Variants in RIMS1 observed in about 807,000 individuals in gnomAD.
RIMS1 encodes the protein regulating synaptic membrane exocytosis protein 1.
RIMS1 carries 83 observed loss-of-function variants against 214.1 expected under a neutral mutation model. The ratio of observed to expected loss-of-function variants is 0.39; its 90% confidence interval spans 0.32 to 0.47. The LOEUF (loss-of-function observed/expected upper bound fraction) is 0.47, where lower values mean the gene tolerates loss of function less well. RIMS1 is among the 20% of genes least tolerant of loss of function. The pLI, the probability that RIMS1 is intolerant of heterozygous loss-of-function variation, is 0.99. For synonymous variants in RIMS1, 793 were observed against 786.8 expected (o/e 1.01, Z -0.13); for missense variants, 2,050 against 2,161.8 (o/e 0.95, Z 1.03).
At chr6:72,296,705 T>A (rs2094128557) in intron 26 of RIMS1, among the ~76,000 whole-genome samples, 1 of 151,942 alleles carries the variant, frequency 6.6e-6, no homozygotes, top group Non-Finnish European at 1.5e-5. Context: ...TAATTCTGTA[T>A]AATTTAATAA....
chr6:72,284,008 A>C, intron 23 of RIMS1, 39 bp from the exon 24 acceptor site: 6 of 1,423,826 alleles, frequency 4.2e-6, no homozygotes, highest in Non-Finnish European at 5.9e-6. Context: ...ATGTAGCTTT[A>C]TTCATCATAT....
At chr6:72,267,115 A>T (rs1008116370) in intron 22 of RIMS1, among the ~76,000 whole-genome samples, 1 of 152,108 alleles carries the variant, frequency 6.6e-6, no homozygotes, top group Non-Finnish European at 1.5e-5. Context: ...AATAGAAAAA[A>T]GTGAAATTTA....
intron 28 of RIMS1, among the ~76,000 whole-genome samples, chr6:72,327,013 C>A (rs1163365531): frequency 6.6e-6 from 1 of 151,634 alleles, no homozygotes; most frequent in Non-Finnish European, 1.5e-5. Context: ...CCTACATAAA[C>A]TAGAAAAGGC....
At chr6:72,302,748 C>A (rs2154274611) in intron 26 of RIMS1, among the ~76,000 whole-genome samples, 1 of 151,616 alleles carries the variant, frequency 6.6e-6, no homozygotes, top group East Asian at 1.9e-4. Flanking sequence ...GCTTAAATAT[C>A]CTGTCCAGGT....
chr6:72,122,924 C>T (rs907425559), intron 4 of RIMS1, among the ~76,000 whole-genome samples: 1 of 151,790 alleles, frequency 6.6e-6, no homozygotes, highest in Admixed American at 6.6e-5. Context: ...GAAAAACCAG[C>T]TCCTGGATTC....
intron 2 of RIMS1, among the ~76,000 whole-genome samples, chr6:72,036,559 G>A (rs1469670878): frequency 6.6e-6 from 1 of 152,146 alleles, no homozygotes; most frequent in Non-Finnish European, 1.5e-5. Flanking sequence ...CCTCAGCTCT[G>A]TAAGTCTGAG....
At chr6:72,182,065 ACT>A (rs1053109800) in intron 5 of RIMS1, among the ~76,000 whole-genome samples, 1 of 152,144 alleles carries the variant, frequency 6.6e-6, no homozygotes, top group African/African-American at 2.4e-5. Context: ...CAAGCATGAC[ACT>A]CTTATGAAAA....
At chr6:72,024,334 C>A (rs542570798) in intron 2 of RIMS1, among the ~76,000 whole-genome samples, 1 of 152,262 alleles carries the variant, frequency 6.6e-6, no homozygotes, top group Non-Finnish European at 1.5e-5. Flanking sequence ...ACTCCTACTT[C>A]TGAATCTAAT....
chr6:71,954,189 A>G (rs887767255), intron 1 of RIMS1, among the ~76,000 whole-genome samples: 1 of 152,204 alleles, frequency 6.6e-6, no homozygotes, highest in African/African-American at 2.4e-5. Flanking sequence ...AAGATATATG[A>G]TATAAGACAT....
chr6:72,297,076 A>G (rs780979075), intron 26 of RIMS1, among the ~76,000 whole-genome samples: 29 of 152,016 alleles, frequency 1.9e-4, no homozygotes, highest in Non-Finnish European at 3.8e-4. Flanking sequence ...AAATGTATTT[A>G]ACAATATTTA....
chr6:72,148,470 T>C, intron 4 of RIMS1: 8 of 367,828 alleles, frequency 2.2e-5, no homozygotes, highest in South Asian at 1.0e-4. Context: ...TGGGTGCCAG[T>C]GTGACCTTCA....
intron 28 of RIMS1, among the ~76,000 whole-genome samples, chr6:72,322,918 T>A (rs1299833044): frequency 6.6e-6 from 1 of 152,046 alleles, no homozygotes; most frequent in Non-Finnish European, 1.5e-5. Flanking sequence ...GACCTGTCTA[T>A]GCACAGGGAA....
At chr6:72,103,518 A>G (rs938969058) in intron 4 of RIMS1, among the ~76,000 whole-genome samples, 5 of 152,246 alleles carry the variant, frequency 3.3e-5, no homozygotes, top group African/African-American at 9.6e-5. Context: ...AAGGATTCAT[A>G]GTAGGACTAT....
intron 12 of RIMS1, among the ~76,000 whole-genome samples, chr6:72,249,980 C>G (rs1021354710): frequency 6.6e-6 from 1 of 151,988 alleles, no homozygotes; most frequent in African/African-American, 2.4e-5. Flanking sequence ...CACATATAAT[C>G]TTCAAACTCT....
At chr6:72,388,373 A>G (rs1233549088) in intron 29 of RIMS1, among the ~76,000 whole-genome samples, 4 of 152,148 alleles carry the variant, frequency 2.6e-5, no homozygotes, top group African/African-American at 9.7e-5. Context: ...GATCATATGG[A>G]ATGAGGGGCA....
intron 29 of RIMS1, among the ~76,000 whole-genome samples, chr6:72,371,399 G>A (rs2098215629): frequency 6.6e-6 from 1 of 152,198 alleles, no homozygotes; most frequent in Non-Finnish European, 1.5e-5. Flanking sequence ...GCTAAGATGT[G>A]TAAGCAAACT....
chr6:72,095,116 A>ATTTTTTTTTT (rs71540328), intron 2 of RIMS1, among the ~76,000 whole-genome samples: 746 of 98,408 alleles, frequency 7.6e-3, no homozygotes, highest in Middle Eastern at 0.021. Context: ...ACGCCCGACT[A>ATTTTTTTTTT]TTTTTTTTTT....
chr6:72,200,959 A>C (rs560236540), intron 6 of RIMS1, among the ~76,000 whole-genome samples: 2 of 151,896 alleles, frequency 1.3e-5, no homozygotes, highest in Non-Finnish European at 2.9e-5. Flanking sequence ...AAATTTGGAA[A>C]TCATGGTGAG....
intron 2 of RIMS1, among the ~76,000 whole-genome samples, chr6:72,007,082 G>A (rs757814642): frequency 4.6e-5 from 7 of 152,136 alleles, no homozygotes; most frequent in Non-Finnish European, 7.3e-5. Context: ...CCAAGTAGGG[G>A]CAGACTGACA....
Sources: allele counts gnomAD v4.1 joint callset (sites outside exome capture counted in the v4.1 genomes callset), GRCh38; gene constraint gnomAD v4.1.1; transcripts MANE v1.5; gene names NCBI Gene and HGNC (gene_info 2026-07-23, HGNC 2026-07-21).